KCNN3: variants seen among roughly 807,000 people sequenced by gnomAD.
KCNN3 encodes potassium calcium-activated channel subfamily N member 3.
A neutral mutation model predicts 62.9 loss-of-function variants in KCNN3; 16 were observed. The ratio of observed to expected loss-of-function variants is 0.25; its 90% confidence interval spans 0.17 to 0.39. KCNN3 has a LOEUF of 0.39. Among genes scored for constraint, KCNN3 ranks in the 10% least tolerant of loss-of-function variants. The pLI is 1.00. For missense variants in KCNN3, 599 were observed against 949.4 expected, an observed-to-expected ratio of 0.63 and a Z score of 4.85; for synonymous variants, 370 against 389.2, an observed-to-expected ratio of 0.95 and a Z score of 0.58.
At chr1:154,767,742 C>T (rs1648361189) in intron 3 of KCNN3, among the ~76,000 whole-genome samples, 1 of 152,190 alleles carries the variant, frequency 6.6e-6, no homozygotes, top group Admixed American at 6.5e-5. Context: ...GCCTCGGAAC[C>T]CATGATGTAA....
chr1:154,764,982 T>A (rs79949865), intron 3 of KCNN3, among the ~76,000 whole-genome samples: 2,445 of 152,272 alleles, frequency 0.016, 73 homozygotes, highest in African/African-American at 0.056. Context: ...ACAGGGTGGA[T>A]CCAAATTTAA....
chr1:154,765,739 C>T (rs1034972192), intron 3 of KCNN3, among the ~76,000 whole-genome samples: 6 of 151,812 alleles, frequency 4.0e-5, no homozygotes, highest in African/African-American at 1.5e-4. Context: ...GTGATCCCCC[C>T]ACCTCAGCCT....
At chr1:154,864,457 T>C (rs1652880721) in intron 1 of KCNN3, among the ~76,000 whole-genome samples, 1 of 152,346 alleles carries the variant, frequency 6.6e-6, no homozygotes, top group East Asian at 1.9e-4. Context: ...GTTCCAGTGA[T>C]ACTACTCAAT....
chr1:154,859,755 G>A, intron 1 of KCNN3: 1 of 1,614,184 alleles, frequency 6.2e-7, no homozygotes, highest in South Asian at 1.1e-5. Context: ...CCTTGCAGAT[G>A]TCGCGTGGCA....
At chr1:154,774,083 G>A (rs912428232) in intron 2 of KCNN3, among the ~76,000 whole-genome samples, 1 of 152,192 alleles carries the variant, frequency 6.6e-6, no homozygotes, top group African/African-American at 2.4e-5. Flanking sequence ...AATAACTGCT[G>A]CATAGAGGTC....
Position 154,769,855 on chromosome 1 carries a change from G to A in KCNN3, c.1448+2120C>T, listed in dbSNP as rs143594876. On this transcript the variant is annotated intron_variant, in intron 3 of 7. Transcript: ENST00000271915. ...AGAAGGCAGCACAAAATTCCCAAGA[G>A]TTATCAAGGGATCTGCACTATTATT... Among the ~76,000 whole-genome samples the A allele has an allele frequency of 2.1e-4, 32 of 152,324 alleles. 1 individual carries two copies. The East Asian group carries it at 6.2e-3, about 29-fold the overall frequency.
At chr1:154,856,181 C>T (rs1006856304) in intron 1 of KCNN3, among the ~76,000 whole-genome samples, 1 of 152,194 alleles carries the variant, frequency 6.6e-6, no homozygotes, top group Non-Finnish European at 1.5e-5. Context: ...ATCCCTGCTG[C>T]TAGGAGGGTT....
chr1:154,782,087 AAAAG>A (rs1398512282), intron 2 of KCNN3, among the ~76,000 whole-genome samples: 2 of 152,198 alleles, frequency 1.3e-5, no homozygotes, highest in Non-Finnish European at 2.9e-5. Context: ...TTGGAGAGAT[AAAAG>A]AAAGAAGACC....
chr1:154,729,099 G>A (rs1193671852), intron 4 of KCNN3, among the ~76,000 whole-genome samples: 2 of 152,202 alleles, frequency 1.3e-5, no homozygotes, highest in Admixed American at 1.3e-4. Flanking sequence ...AAATCACCGA[G>A]GGCCTGGCTA....
intron 1 of KCNN3, among the ~76,000 whole-genome samples, chr1:154,857,324 GC>G (rs1428073877): frequency 1.3e-5 from 2 of 152,290 alleles, no homozygotes; most frequent in East Asian, 3.9e-4. Flanking sequence ...GGCTCGGGTG[GC>G]CCCTCCAGGG....
intron 3 of KCNN3, among the ~76,000 whole-genome samples, chr1:154,754,806 G>A (rs534807755): frequency 6.6e-6 from 1 of 152,166 alleles, no homozygotes; most frequent in Non-Finnish European, 1.5e-5. Context: ...TTAAGCTATT[G>A]TTGTTTTGGG....
In KCNN3 at chr1:154,697,546, C is replaced by G. The variant is rs1262048251; in HGVS notation, c.*10430G>C. ...CATATGCCGTAACATTTAAAAATGC[C>G]CATTCTCTCCAGCTTCAGTTCAAGC... On this transcript the variant is annotated 3_prime_UTR_variant, in exon 8 of 8. Transcript: ENST00000271915. 1.3e-5 allele frequency: 2 copies of G among 151,998 alleles called. No homozygotes were observed. The highest frequency in any genetic ancestry group is 4.8e-5 in the African/African-American group (2 of 41,340). The allele number at this position is 151,998 out of a possible 1,614,324, so 9.4% of individuals were successfully genotyped here. A position where few individuals can be genotyped will look rare whatever the true frequency, so the allele number is the denominator to read the frequency against.
At position 154,811,519 on chromosome 1, in the gene KCNN3, G is replaced by A. The variant is rs534233609; in HGVS notation, c.1029+10570C>T. ...CAACTTGGACCCAGGTCTACGGACCGCAGGCTCAGTGTCTCTCCCACCATC... is the reference window on the plus strand; with the variant it reads ...CAACTTGGACCCAGGTCTACGGACCACAGGCTCAGTGTCTCTCCCACCATC... On this transcript the variant is annotated intron_variant, in intron 2 of 7. Coordinates refer to ENST00000271915, the MANE Select transcript of KCNN3 (RefSeq NM_002249.6). 1.1e-4 allele frequency among the ~76,000 whole-genome samples: 16 copies of A among 152,264 alleles called. No homozygotes were observed. In the South Asian group the frequency reaches 1.9e-3, roughly 18 times the overall value.
chr1:154,855,149 T>C (rs1652468553), intron 1 of KCNN3, among the ~76,000 whole-genome samples: 1 of 152,016 alleles, frequency 6.6e-6, no homozygotes, highest in Admixed American at 6.6e-5. Flanking sequence ...ACCTGGGAGG[T>C]TGAAGTTGCA....
At chr1:154,722,688 G>A (rs946382246) in intron 5 of KCNN3, among the ~76,000 whole-genome samples, 17 of 151,310 alleles carry the variant, frequency 1.1e-4, no homozygotes, top group Admixed American at 2.6e-4. Flanking sequence ...CACCGCGCCC[G>A]GCCAAGAGCT....
At chr1:154,711,926 CAG>C (rs1255909317) in intron 7 of KCNN3, among the ~76,000 whole-genome samples, 1 of 147,510 alleles carries the variant, frequency 6.8e-6, no homozygotes, top group Non-Finnish European at 1.5e-5. Flanking sequence ...AAGAGAGAGA[CAG>C]GGAAAGGGAG....
In KCNN3 at chr1:154,714,612, G is replaced by GTGTGTGTGTGT. The variant is rs1553227050; in HGVS notation, c.1829+263_1829+264insACACACACACA. Among the ~76,000 whole-genome samples the GTGTGTGTGTGT allele has an allele frequency of 1.3e-3, 33 of 24,852 alleles. 4 individuals are homozygous for GTGTGTGTGTGT. The highest frequency in any genetic ancestry group is 2.7e-3 in the Non-Finnish European group (27 of 9,858). 16.3% of individuals were successfully genotyped at this position (24,852 alleles called of 152,430 possible). A position where few individuals can be genotyped will look rare whatever the true frequency, so the allele number is the denominator to read the frequency against. ...ATGGTGTGTGTGATGTGTGGTGTGT[G>GTGTGTGTGTGT]GTGTGTGTGTGTGTGTGTGTGTGTG... On this transcript the variant is annotated intron_variant, in intron 6 of 7. Coordinates refer to ENST00000271915, the MANE Select transcript of KCNN3 (RefSeq NM_002249.6).
intron 2 of KCNN3, among the ~76,000 whole-genome samples, chr1:154,815,692 A>C (rs1018173109): frequency 6.6e-6 from 1 of 152,220 alleles, no homozygotes; most frequent in Non-Finnish European, 1.5e-5. Context: ...TAGGGTTGGA[A>C]AATTTAGAGA....
rs1384886794 is a variant in KCNN3, at chr1:154,697,599, CCACCTT to C, written c.*10371_*10376del. The C allele has an allele frequency of 4.6e-5, 7 of 152,132 alleles. No homozygotes were observed. The highest frequency in any genetic ancestry group is 1.0e-4 in the Non-Finnish European group (7 of 68,038). The allele number at this position is 152,132 out of a possible 1,614,324, so 9.4% of individuals were successfully genotyped here. A position where few individuals can be genotyped will look rare whatever the true frequency, so the allele number is the denominator to read the frequency against. ...GAGTGGGGAAGGCCATAGACTAAGC[CCACCTT>C]CAAGGTCACACTTCCATATTTTGCA... On this transcript the variant is annotated 3_prime_UTR_variant, in exon 8 of 8. Transcript: ENST00000271915.
Sources: allele counts gnomAD v4.1 joint callset (sites outside exome capture counted in the v4.1 genomes callset), GRCh38; gene constraint gnomAD v4.1.1; transcripts MANE v1.5; gene names NCBI Gene and HGNC (gene_info 2026-07-23, HGNC 2026-07-21).